CDH23: variants seen among roughly 807,000 people sequenced by gnomAD.
The protein encoded by CDH23 is cadherin-23.
In CDH23, 189 loss-of-function variants were observed where a neutral mutation model predicts 317.1. The ratio of observed to expected loss-of-function variants is 0.60; its 90% CI spans 0.53 to 0.67. The LOEUF is 0.67. Among genes scored for constraint, CDH23 ranks in the 30% least tolerant of loss-of-function variants. The pLI, the probability that CDH23 is intolerant of heterozygous loss-of-function variation, is 0.00. For missense variants in CDH23, 4,401 were observed against 4,592.4 expected (o/e 0.96, Z 1.20); for synonymous variants, 1,839 against 1,876.8 (o/e 0.98, Z 0.52).
At chr10:71,477,228 G>A (rs1365142715) in intron 3 of CDH23, among the ~76,000 whole-genome samples, 2 of 152,134 alleles carry the variant, frequency 1.3e-5, no homozygotes, top group Non-Finnish European at 2.9e-5. Flanking sequence ...GAGTGCATTG[G>A]CGCGATCTCT....
rs574376721 is a variant in CDH23 at position 71,656,386 on chromosome 10, C to T, written c.1449+9769C>T. ...GTGTCTCCCTGGATCGTCTGCTCTC[C>T]TCCTTCCCCTCCCAGAGCAGAACTC... is the stretch of plus-strand genomic sequence containing the variant. On this transcript the variant is annotated intron_variant, in intron 14 of 69. Coordinates refer to ENST00000224721, the MANE Select transcript of CDH23 (RefSeq NM_022124.6). 4.6e-5 allele frequency among the ~76,000 whole-genome samples: 7 copies of T among 152,322 alleles called. No individual in the cohort carries two copies. In the South Asian group the frequency reaches 1.2e-3, roughly 27 times the overall value.
At chr10:71,419,641 G>A (rs1848664428) in intron 1 of CDH23, among the ~76,000 whole-genome samples, 1 of 136,552 alleles carries the variant, frequency 7.3e-6, no homozygotes, top group Non-Finnish European at 1.6e-5. Context: ...ATTCTATAGA[G>A]TACATTTTGT....
At chr10:71,794,790 C>T (rs1018650019) in intron 48 of CDH23, among the ~76,000 whole-genome samples, 1 of 152,124 alleles carries the variant, frequency 6.6e-6, no homozygotes, top group African/African-American at 2.4e-5. Context: ...ACACTTGTAC[C>T]ACCATTACCC....
intron 16 of CDH23, among the ~76,000 whole-genome samples, chr10:71,679,049 G>T (rs1864495804): frequency 6.6e-6 from 1 of 152,134 alleles, no homozygotes; most frequent in Non-Finnish European, 1.5e-5. Flanking sequence ...TGTTCCAGCT[G>T]GGGTTGGGGG....
intron 1 of CDH23, among the ~76,000 whole-genome samples, chr10:71,427,855 G>A (rs768877951): frequency 1.3e-5 from 2 of 151,882 alleles, no homozygotes; most frequent in Non-Finnish European, 2.9e-5. Context: ...TGGGACTGCA[G>A]GCGCATGCTG....
chr10:71,642,814 G>A (rs1285831956), intron 11 of CDH23, among the ~76,000 whole-genome samples: 1 of 152,132 alleles, frequency 6.6e-6, no homozygotes, highest in Non-Finnish European at 1.5e-5. Context: ...CCCGTGGGAG[G>A]AGTAGCAGTA....
chr10:71,424,339 AT>A (rs1457321362), intron 1 of CDH23, among the ~76,000 whole-genome samples: 1 of 152,256 alleles, frequency 6.6e-6, no homozygotes, highest in Non-Finnish European at 1.5e-5. Context: ...CCCCCACTGC[AT>A]GCCCCTTGCT....
At chr10:71,720,573 A>G (rs1008800953) in intron 28 of CDH23, among the ~76,000 whole-genome samples, 14 of 152,070 alleles carry the variant, frequency 9.2e-5, no homozygotes, top group Non-Finnish European at 1.6e-4. Flanking sequence ...CAGAAATGCA[A>G]CTCAAGACAG....
At chr10:71,409,209 A>G (rs1287335956) in intron 1 of CDH23, among the ~76,000 whole-genome samples, 3 of 152,122 alleles carry the variant, frequency 2.0e-5, no homozygotes, top group Non-Finnish European at 4.4e-5. Context: ...GGGGCAGGGG[A>G]TTCCCTGGTG....
intron 6 of CDH23, among the ~76,000 whole-genome samples, chr10:71,537,929 C>G (rs1855789789): frequency 6.6e-6 from 1 of 152,166 alleles, no homozygotes; most frequent in Admixed American, 6.5e-5. Context: ...TAGAGCAGAG[C>G]TGGGATTCAA....
intron 3 of CDH23, among the ~76,000 whole-genome samples, chr10:71,460,531 C>A (rs879355522): frequency 5.3e-5 from 8 of 152,242 alleles, no homozygotes; most frequent in African/African-American, 1.9e-4. Flanking sequence ...GAGTGTTGAA[C>A]CTGCTTTGCC....
intron 9 of CDH23, among the ~76,000 whole-genome samples, chr10:71,609,517 T>G (rs910211459): frequency 6.6e-6 from 1 of 152,204 alleles, no homozygotes; most frequent in Non-Finnish European, 1.5e-5. Context: ...ACCCAGTCAG[T>G]GGCCTTTGCC....
chr10:71,661,211 G>A (rs1190598112), intron 14 of CDH23, among the ~76,000 whole-genome samples: 2 of 152,134 alleles, frequency 1.3e-5, no homozygotes, highest in Non-Finnish European at 2.9e-5. Flanking sequence ...GATGTGACGA[G>A]ACAGAAACTG....
intron 3 of CDH23, among the ~76,000 whole-genome samples, chr10:71,495,218 T>C (rs1852894008): frequency 6.6e-6 from 1 of 152,234 alleles, no homozygotes; most frequent in African/African-American, 2.4e-5. Context: ...CAACGTGATG[T>C]ATTAATTTTA....
At chr10:71,666,970 T>C (rs1863925647) in intron 14 of CDH23, among the ~76,000 whole-genome samples, 1 of 152,250 alleles carries the variant, frequency 6.6e-6, no homozygotes, top group South Asian at 2.1e-4. Context: ...AAATTTCTGC[T>C]CCATCAATCC....
intron 28 of CDH23, chr10:71,713,422 C>T (rs1270808556): frequency 2.4e-5 from 15 of 615,782 alleles, no homozygotes; most frequent in East Asian, 5.4e-5. Context: ...ATGGGGTTTC[C>T]GACTCGGAGG....
At chr10:71,762,665 C>T in intron 38 of CDH23, among the ~76,000 whole-genome samples, 1 of 107,522 alleles carries the variant, frequency 9.3e-6, no homozygotes, top group South Asian at 3.2e-4. Context: ...TGGGGACAGT[C>T]AGGGACTTCC....
intron 30 of CDH23, among the ~76,000 whole-genome samples, chr10:71,728,393 C>G (rs965376161): frequency 6.6e-6 from 1 of 152,090 alleles, no homozygotes; most frequent in African/African-American, 2.4e-5. Flanking sequence ...AACTTTTACA[C>G]CCATATGCCT....
intron 38 of CDH23, among the ~76,000 whole-genome samples, chr10:71,772,740 G>T (rs943477679): frequency 1.3e-5 from 2 of 152,206 alleles, no homozygotes; most frequent in Admixed American, 1.3e-4. Flanking sequence ...TGGCAGCCTT[G>T]CTAGGATGGC....
Sources: gnomAD v4.1 joint callset for allele counts (sites outside exome capture counted in the v4.1 genomes callset) on GRCh38, gnomAD v4.1.1 for gene constraint, MANE v1.5 for transcripts, NCBI Gene and HGNC (gene_info 2026-07-23, HGNC 2026-07-21) for gene names.